Variants in LBX2 observed in about 807,000 individuals in gnomAD.
LBX2 encodes the protein ladybird homeobox 2, also known as transcription factor LBX2.
A neutral mutation model predicts 7.5 loss-of-function variants in LBX2; 6 were observed. The observed-to-expected ratio is 0.80, with a 90% CI of 0.44 to 1.59. The LOEUF is 1.59. Ranked by LOEUF, LBX2 falls within the 40% of genes most tolerant of loss-of-function variation. The probability of loss-of-function intolerance (pLI) is 0.01; values close to 1 mark genes in which losing one functional copy is unlikely to be tolerated. For missense variants in LBX2, 281 were observed against 282.0 expected (o/e 1.00, Z 0.03); for synonymous variants, 143 against 133.2 (o/e 1.07, Z -0.51).
rs772243082 is a variant in LBX2 at position 74,497,917 on chromosome 2, G to A, written c.*10C>T. On this transcript the variant is annotated 3_prime_UTR_variant, in exon 2 of 2. Transcript: ENST00000377566. ...GGCCCCAGAGCCCAGGATTGGCGGC[G>A]GCTTTGTCTTCAATCGTCCACCTGT... 5.8e-6 allele frequency: 9 copies of A among 1,538,774 alleles called. No individual in the cohort carries two copies. In the East Asian group the frequency reaches 2.1e-4, roughly 35 times the overall value.
At position 74,497,938 on chromosome 2, in the gene LBX2, C is replaced by G. The variant is rs1475411498; in HGVS notation, c.586G>C (p.Val196Leu). 5.7e-6 allele frequency: 9 copies of G among 1,578,226 alleles called. No individual in the cohort carries two copies. The highest frequency in any genetic ancestry group is 6.9e-6 in the Non-Finnish European group (8 of 1,159,616). ...RPHLSDEEIQ[V>L]DD ...CGGCGGCTTTGTCTTCAATCGTCCACCTGTATCTCCTCGTCTGACAGGTGG... is the reference window on the plus strand; with the variant it reads ...CGGCGGCTTTGTCTTCAATCGTCCAGCTGTATCTCCTCGTCTGACAGGTGG... Residue 196 changes from valine (V) to leucine (L), a missense_variant, in exon 2 of 2, where the codon GTG becomes CTG. By Grantham distance (32) the Val-to-Leu change is conservative. Coordinates refer to ENST00000377566, the MANE Select transcript of LBX2 (RefSeq NM_001282430.2).
Position 74,499,031 on chromosome 2 carries a change from T to C in LBX2, c.205+302A>G. On this transcript the variant is annotated intron_variant, in intron 1 of 1. Transcript: ENST00000377566. This position sits in a 1 kb window ranked among gnomAD's most constrained non-coding sequence, Gnocchi z 4.6. ...CTGCGGCTGAAGCCTTTTGTCTCTT[T>C]CTCTCCTGCCTTTCTCTATCGCGAT... The C allele has an allele frequency of 2.2e-6, 1 of 462,668 alleles. No individual in the cohort carries two copies. The highest frequency in any genetic ancestry group is 3.9e-6 in the Non-Finnish European group (1 of 259,210). 28.7% of individuals were successfully genotyped at this position (462,668 alleles called of 1,614,324 possible).
upstream of LBX2, among the ~76,000 whole-genome samples, chr2:74,500,689 G>T (rs528611093): frequency 4.6e-5 from 7 of 152,290 alleles, no homozygotes; most frequent in South Asian, 1.5e-3. Flanking sequence ...TAGGAAGAAG[G>T]CAGCTCAGGG....
chr2:74,498,615 G>A, intron 1 of LBX2: 1 of 440,112 alleles, frequency 2.3e-6, no homozygotes, highest in East Asian at 3.7e-5. Context: ...AACCTTCTGG[G>A]GTGGAGCCTT....
upstream of LBX2, chr2:74,502,907 T>C (rs745836915): frequency 6.6e-7 from 1 of 1,515,318 alleles, no homozygotes. This position sits in a 1 kb window ranked among gnomAD's most constrained non-coding sequence, Gnocchi z 5.4. Flanking sequence ...CCCGTCCTCC[T>C]CTGTGCCAAA....
upstream of LBX2, among the ~76,000 whole-genome samples, chr2:74,500,525 C>T (rs1277648250): frequency 1.3e-5 from 2 of 152,200 alleles, no homozygotes; most frequent in Non-Finnish European, 2.9e-5. Flanking sequence ...GCAGACTTCA[C>T]GGACCCAGCT....
rs910376275 is a variant in LBX2 at position 74,499,200 on chromosome 2, G to A, written c.205+133C>T. 8 of 790,712 alleles carry A rather than the reference G, an allele frequency of 1.0e-5. No individual in the cohort carries two copies. In the African/African-American group the frequency reaches 1.2e-4, roughly 12 times the overall value. 49.0% of individuals were successfully genotyped at this position (790,712 alleles called of 1,614,324 possible). A position where few individuals can be genotyped will look rare whatever the true frequency, so the allele number is the denominator to read the frequency against. On this transcript the variant is annotated intron_variant, in intron 1 of 1. Transcript: ENST00000377566. The surrounding 1 kb of genome is among the most constrained non-coding windows in gnomAD (Gnocchi z 4.6). ...GTGAGAAGTCGCAGGTGCGAGTCCT[G>A]GCACGTGGGCTGAGGACAGGGGAGG...
chr2:74,502,863 G>A, upstream of LBX2: 2 of 1,592,070 alleles, frequency 1.3e-6, no homozygotes, highest in South Asian at 2.2e-5. The surrounding 1 kb of genome is among the most constrained non-coding windows in gnomAD (Gnocchi z 5.4). Context: ...TTCCCATCAA[G>A]CCCTGGGAAA....
upstream of LBX2, chr2:74,502,627 A>C: frequency 6.3e-7 from 1 of 1,587,978 alleles, no homozygotes; most frequent in Non-Finnish European, 8.6e-7. This position sits in a 1 kb window ranked among gnomAD's most constrained non-coding sequence, Gnocchi z 5.4. Context: ...AGAAAGCGCT[A>C]CTGCGGAGTG....
chr2:74,499,763 G>A (rs1674446601), upstream of LBX2: 2 of 594,238 alleles, frequency 3.4e-6, no homozygotes, highest in Non-Finnish European at 3.0e-6. This position sits in a 1 kb window ranked among gnomAD's most constrained non-coding sequence, Gnocchi z 4.6. Flanking sequence ...GGCTGGGGCA[G>A]GCGCGGAGAG....
At chr2:74,503,018 A>G, upstream of LBX2, 1 of 614,912 alleles carries the variant, frequency 1.6e-6, no homozygotes, top group Non-Finnish European at 2.7e-6. This position sits in a 1 kb window ranked among gnomAD's most constrained non-coding sequence, Gnocchi z 5.1. Context: ...TCAGGCGAGA[A>G]CCGACGCCTT....
chr2:74,497,602 T>C lies in LBX2; in HGVS notation c.*325A>G, dbSNP rs766756869. 2.7e-5 allele frequency: 7 copies of C among 258,862 alleles called. No individual in the cohort carries two copies. The South Asian group carries it at 7.6e-4, about 28-fold the overall frequency. 16.0% of individuals were successfully genotyped at this position (258,862 alleles called of 1,614,324 possible). A position where few individuals can be genotyped will look rare whatever the true frequency, so the allele number is the denominator to read the frequency against. On this transcript the variant is annotated 3_prime_UTR_variant, in exon 2 of 2. Transcript: ENST00000377566. ...GACCTCCTCTCTAAAAAAAAAAGTT[T>C]TTTAAATTAGCCTGGGGTGGTGCTG...
Position 74,497,808 on chromosome 2 carries a change from T to C in LBX2, c.*119A>G. 9.2e-7 allele frequency: 1 copy of C among 1,092,352 alleles called. No homozygotes were observed. Among genetic ancestry groups the C allele is most frequent in the Non-Finnish European group, 1.3e-6 (1 of 781,656 alleles). The allele number at this position is 1,092,352 out of a possible 1,614,324, so 67.7% of individuals were successfully genotyped here. A position where few individuals can be genotyped will look rare whatever the true frequency, so the allele number is the denominator to read the frequency against. On this transcript the variant is annotated 3_prime_UTR_variant, in exon 2 of 2. Transcript: ENST00000377566. The stretch of plus-strand genomic sequence containing the variant: ...AACCGGGAAAGGTGAGCGTCTGGAC[T>C]GTGGGCCGGAAGAGGCCCAAGTGGA...
At chr2:74,502,799 C>T (rs144712175), upstream of LBX2, 167 of 1,613,856 alleles carry the variant, frequency 1.0e-4, no homozygotes, top group Non-Finnish European at 1.3e-4. This position sits in a 1 kb window ranked among gnomAD's most constrained non-coding sequence, Gnocchi z 5.4. Context: ...CGACGCCCTC[C>T]TCGACACTTT....
rs61998167 is a variant in LBX2 at position 74,498,086 on chromosome 2, C to G, written c.438G>C (p.Glu146Asp). Residue 146 changes from glutamate (E) to aspartate (D), a missense_variant, in exon 2 of 2, where the codon GAG becomes GAC. By Grantham distance (45) the Glu-to-Asp change is conservative. This residue lies in a region of LBX2 where 216 missense variants were observed against 208.7 expected (regional missense o/e 1.03). Transcript: ENST00000377566. ...RRAKLKRDVE[E>D]MRADVASLRA... ...GTAGCGAGGCGACGTCGGCGCGCAT[C>G]TCCTCCACATCGCGCTTGAGCTTGG... is the stretch of plus-strand genomic sequence containing the variant. The G allele has an allele frequency of 7.5e-4, 1,211 of 1,613,378 alleles. 2 individuals are homozygous for G. The highest frequency in any genetic ancestry group is 8.3e-4 in the Non-Finnish European group (976 of 1,179,792).
At chr2:74,501,540 C>G (rs1361412839), upstream of LBX2, 2 of 152,162 alleles carry the variant, frequency 1.3e-5, no homozygotes, top group Non-Finnish European at 2.9e-5. Flanking sequence ...GGGCCTGTGC[C>G]TCACAGCCCC....
In LBX2 at chr2:74,498,028, C is replaced by G. The variant is rs767144831; in HGVS notation, c.496G>C (p.Ala166Pro). 1.2e-6 allele frequency: 2 copies of G among 1,613,572 alleles called. No homozygotes were observed. The highest frequency in any genetic ancestry group is 1.1e-5 in the South Asian group (1 of 91,054). ...GGATCTGGAGCGCCTTCGGGCAGTGCTAAGCTGCACAGGACTTCCGGGGAC... is the reference window on the plus strand; with the variant it reads ...GGATCTGGAGCGCCTTCGGGCAGTGGTAAGCTGCACAGGACTTCCGGGGAC... ...ALSPEVLCSL[A>P]LPEGAPDPGL... Residue 166 changes from alanine to proline, a missense_variant, in exon 2 of 2, where the codon GCA (alanine) becomes CCA (proline). This residue lies in a region of LBX2 where 59 missense variants were observed against 52.9 expected (regional missense o/e 1.11). Coordinates refer to ENST00000377566, the MANE Select transcript of LBX2 (RefSeq NM_001282430.2).
At position 74,498,062 on chromosome 2, in the gene LBX2, T is replaced by C. The variant is rs1209779339; in HGVS notation, c.462A>G (p.Leu154=). The part of the protein sequence containing the change: ...VEEMRADVAS[L]RALSPEVLCS... ...ACAGGACTTCCGGGGACAACGCGCG[T>C]AGCGAGGCGACGTCGGCGCGCATCT... The change falls in exon 2 of 2, where the codon CTA becomes CTG. Residue 154 remains leucine (L), a synonymous_variant. Transcript: ENST00000377566. 6.2e-7 allele frequency: 1 copy of C among 1,613,546 alleles called. No individual in the cohort carries two copies. Among genetic ancestry groups the C allele is most frequent in the South Asian group, 1.1e-5 (1 of 91,070 alleles).
In LBX2 at chr2:74,499,489, C is replaced by T. The variant is rs946280139; in HGVS notation, c.49G>A (p.Ala17Thr). The change falls in exon 1 of 2, where the codon GCA becomes ACA. Residue 17 changes from alanine to threonine, a missense_variant. Ala to Thr is a moderately conservative substitution (Grantham distance 58, BLOSUM62 0). Coordinates refer to ENST00000377566, the MANE Select transcript of LBX2 (RefSeq NM_001282430.2). This position sits in a 1 kb window ranked among gnomAD's most constrained non-coding sequence, Gnocchi z 4.6. ...ACCATGCGCGGGGCTAGGATGTCTG[C>T]GATGCTTAAGAGTGTCCGGGGTGTT... ...PRTPRTLLSIADILAPRMVPR... is the reference protein window; with the variant it reads ...PRTPRTLLSITDILAPRMVPR... The T allele has an allele frequency of 5.8e-6, 9 of 1,550,294 alleles. No individual in the cohort carries two copies. The Admixed American group carries it at 5.9e-5, about 10-fold the overall frequency.
Sources: allele counts gnomAD v4.1 joint callset (sites outside exome capture counted in the v4.1 genomes callset), GRCh38; gene constraint gnomAD v4.1.1; regional missense constraint gnomAD v4.1.1; non-coding constraint Gnocchi (gnomAD v3.1); transcripts MANE v1.5; gene names NCBI Gene and HGNC (gene_info 2026-07-23, HGNC 2026-07-21).